TBC1D19: variants seen among roughly 807,000 people sequenced by gnomAD.
The protein encoded by TBC1D19 is TBC1 domain family, member 19.
A neutral mutation model predicts 89.0 loss-of-function variants in TBC1D19; 60 were observed. The observed-to-expected ratio is 0.67, with a 90% CI of 0.55 to 0.84. TBC1D19 has a LOEUF of 0.84. Ranked by LOEUF, TBC1D19 falls within the 40% of genes least tolerant of loss-of-function variation. TBC1D19 has a pLI of 0.00. For synonymous variants in TBC1D19, 189 were observed against 199.7 expected, an observed-to-expected ratio of 0.95 and a Z score of 0.45; for missense variants, 500 against 610.8, an observed-to-expected ratio of 0.82 and a Z score of 1.91.
chr4:26,824,282 CG>C, the TBC1D19 span, among the ~76,000 whole-genome samples: 1 of 152,162 alleles, frequency 6.6e-6, no homozygotes, highest in Non-Finnish European at 1.5e-5. Context: ...CCAGCCATGC[CG>C]GAAGCATGTG....
chr4:26,671,446 A>ATT (rs1401097668), intron 9 of TBC1D19, among the ~76,000 whole-genome samples: 4 of 151,828 alleles, frequency 2.6e-5, no homozygotes, highest in African/African-American at 9.7e-5. Flanking sequence ...TGCCAGATAT[A>ATT]TGTACAGCAA....
chr4:26,803,924 G>A, the TBC1D19 span, among the ~76,000 whole-genome samples: 1 of 151,272 alleles, frequency 6.6e-6, no homozygotes, highest in East Asian at 1.9e-4. Context: ...AGGGGACGGG[G>A]GAGGGGGCAT....
At chr4:26,822,240 C>T in the TBC1D19 span, among the ~76,000 whole-genome samples, 1 of 152,338 alleles carries the variant, frequency 6.6e-6, no homozygotes, top group South Asian at 2.1e-4. Context: ...GTGCAAACTT[C>T]CTTCTGGAGA....
At chr4:26,696,256 C>A (rs1714769981) in intron 13 of TBC1D19, among the ~76,000 whole-genome samples, 1 of 152,062 alleles carries the variant, frequency 6.6e-6, no homozygotes, top group Non-Finnish European at 1.5e-5. Flanking sequence ...TCAAAAGAGA[C>A]AAAGAAGGCC....
At chr4:26,702,150 T>G (rs557957697) in intron 13 of TBC1D19, among the ~76,000 whole-genome samples, 49 of 152,308 alleles carry the variant, frequency 3.2e-4, no homozygotes, top group African/African-American at 1.1e-3. Context: ...GTTCTCCAAA[T>G]AATGCCAGAA....
intron 17 of TBC1D19, among the ~76,000 whole-genome samples, chr4:26,740,469 A>G (rs1718294322): frequency 6.6e-6 from 1 of 152,130 alleles, no homozygotes; most frequent in Admixed American, 6.6e-5. Context: ...TTGTTTGCCA[A>G]TTTCATATTT....
chr4:26,648,408 A>G (rs751839347), intron 7 of TBC1D19, among the ~76,000 whole-genome samples: 1 of 152,206 alleles, frequency 6.6e-6, no homozygotes, highest in Non-Finnish European at 1.5e-5. Context: ...ACAACTGACT[A>G]GTTAGTACAT....
chr4:26,776,982 T>A, the TBC1D19 span, among the ~76,000 whole-genome samples: 1 of 152,162 alleles, frequency 6.6e-6, no homozygotes, highest in Non-Finnish European at 1.5e-5. Flanking sequence ...ATTTCAAATT[T>A]TTTTATTTCA....
chr4:26,803,808 C>T, the TBC1D19 span, among the ~76,000 whole-genome samples: 1 of 151,134 alleles, frequency 6.6e-6, no homozygotes, highest in Non-Finnish European at 1.5e-5. Flanking sequence ...GAGAGGACGG[C>T]TGGGGAAAGG....
At chr4:26,692,105 C>G (rs1714341553) in intron 13 of TBC1D19, among the ~76,000 whole-genome samples, 2 of 152,116 alleles carry the variant, frequency 1.3e-5, no homozygotes, top group South Asian at 4.1e-4. Context: ...CCTCCCCTCA[C>G]CCCCAGATTA....
chr4:26,649,711 CTTT>C (rs879521883), intron 7 of TBC1D19, among the ~76,000 whole-genome samples: 1 of 145,370 alleles, frequency 6.9e-6, no homozygotes. Context: ...AACGTTCTAA[CTTT>C]TTTTTTTTTT....
chr4:26,623,421 A>G (rs549277106), intron 4 of TBC1D19, among the ~76,000 whole-genome samples: 2 of 152,174 alleles, frequency 1.3e-5, no homozygotes, highest in Non-Finnish European at 2.9e-5. Flanking sequence ...AAACTTTTTC[A>G]TGCTTGTGTG....
intron 4 of TBC1D19, among the ~76,000 whole-genome samples, chr4:26,630,870 A>G (rs1018890467): frequency 6.6e-6 from 1 of 152,054 alleles, no homozygotes; most frequent in Admixed American, 6.6e-5. Flanking sequence ...GAATAAAGGA[A>G]TGAATGGATA....
At chr4:26,805,279 T>C in the TBC1D19 span, among the ~76,000 whole-genome samples, 1 of 152,320 alleles carries the variant, frequency 6.6e-6, no homozygotes, top group African/African-American at 2.4e-5. Flanking sequence ...TATGTTAAGC[T>C]TCAGTCTGGG....
chr4:26,601,942 C>T (rs1740633405), intron 1 of TBC1D19, among the ~76,000 whole-genome samples: 1 of 152,202 alleles, frequency 6.6e-6, no homozygotes, highest in Admixed American at 6.5e-5. Flanking sequence ...ATAGGAGGTA[C>T]CTCTGTTGTG....
the TBC1D19 span, among the ~76,000 whole-genome samples, chr4:26,854,815 A>G: frequency 6.5e-4 from 98 of 149,802 alleles, no homozygotes; most frequent in African/African-American, 2.3e-3. Flanking sequence ...GCAGGTGGAC[A>G]GTGGCACCCA....
At chr4:26,664,149 C>A (rs1418020405) in intron 8 of TBC1D19, among the ~76,000 whole-genome samples, 1 of 152,102 alleles carries the variant, frequency 6.6e-6, no homozygotes, top group African/African-American at 2.4e-5. Flanking sequence ...AGTAAAAATA[C>A]AGTTTCAATA....
At chr4:26,718,672 C>T (rs1716793408) in intron 14 of TBC1D19, among the ~76,000 whole-genome samples, 3 of 152,206 alleles carry the variant, frequency 2.0e-5, no homozygotes, top group South Asian at 4.1e-4. Context: ...GATTGCTCCA[C>T]CTCCTACCCT....
intron 1 of TBC1D19, among the ~76,000 whole-genome samples, chr4:26,590,908 C>G (rs944935000): frequency 2.1e-5 from 3 of 145,096 alleles, no homozygotes; most frequent in African/African-American, 7.8e-5. Context: ...GACTCAGTCT[C>G]CTAAGTAGCT....
Sources: gnomAD v4.1 joint callset for allele counts (sites outside exome capture counted in the v4.1 genomes callset) on GRCh38, gnomAD v4.1.1 for gene constraint, MANE v1.5 for transcripts, NCBI Gene and HGNC (gene_info 2026-07-23, HGNC 2026-07-21) for gene names.